Variants in EYA4 observed in about 807,000 individuals in gnomAD.
EYA4 encodes the protein protein phosphatase EYA4.
In EYA4, 31 loss-of-function variants were observed where a neutral mutation model predicts 87.9. The observed-to-expected ratio is 0.35, with a 90% confidence interval of 0.27 to 0.48. EYA4 has a LOEUF of 0.48. Ranked by LOEUF, EYA4 falls within the 20% of genes least tolerant of loss-of-function variation. The probability of loss-of-function intolerance (pLI) is 0.99; values close to 1 mark genes in which losing one functional copy is unlikely to be tolerated. For missense variants in EYA4, 678 were observed against 761.4 expected, an observed-to-expected ratio of 0.89 and a Z score of 1.29; for synonymous variants, 263 against 270.6, an observed-to-expected ratio of 0.97 and a Z score of 0.28.
chr6:133,520,052 G>T (rs1438434339), intron 17 of EYA4, among the ~76,000 whole-genome samples: 1 of 151,768 alleles, frequency 6.6e-6, no homozygotes, highest in African/African-American at 2.4e-5. Context: ...AAAACTGGAA[G>T]CGTTCCCTTT....
chr6:133,260,185 A>G (rs372451800), intron 1 of EYA4, among the ~76,000 whole-genome samples: 3 of 150,774 alleles, frequency 2.0e-5, no homozygotes, highest in South Asian at 2.1e-4. Context: ...TTAGATTCCT[A>G]ATTTGTTGTT....
At chr6:133,308,093 G>GT (rs1336131989) in intron 2 of EYA4, among the ~76,000 whole-genome samples, 1 of 152,140 alleles carries the variant, frequency 6.6e-6, no homozygotes, top group Non-Finnish European at 1.5e-5. Context: ...CACCATGATT[G>GT]TGAGGCCTCC....
chr6:133,259,094 G>A (rs1272806455), intron 1 of EYA4, among the ~76,000 whole-genome samples: 2 of 152,128 alleles, frequency 1.3e-5, no homozygotes, highest in African/African-American at 4.8e-5. Context: ...GATGCACTAT[G>A]ACCTAGTTTA....
intron 2 of EYA4, among the ~76,000 whole-genome samples, chr6:133,284,246 T>G (rs1044962334): frequency 4.6e-5 from 7 of 152,356 alleles, no homozygotes; most frequent in Middle Eastern, 3.4e-3. Context: ...CTCGGCTCAC[T>G]GCAACCTCTG....
intron 2 of EYA4, among the ~76,000 whole-genome samples, chr6:133,345,969 G>A (rs925669107): frequency 2.0e-5 from 3 of 152,064 alleles, no homozygotes; most frequent in African/African-American, 7.2e-5. Flanking sequence ...CTTGATCGTG[G>A]GCAGACTAGC....
At chr6:133,499,532 C>A (rs1382239254) in intron 13 of EYA4, among the ~76,000 whole-genome samples, 1 of 152,114 alleles carries the variant, frequency 6.6e-6, no homozygotes, top group African/African-American at 2.4e-5. Flanking sequence ...GTGATGATCC[C>A]CTTCATCATA....
chr6:133,345,953 G>A (rs1314784360), intron 2 of EYA4, among the ~76,000 whole-genome samples: 1 of 152,160 alleles, frequency 6.6e-6, no homozygotes, highest in African/African-American at 2.4e-5. Flanking sequence ...TACTTGGAGT[G>A]GAAGACTTGA....
At chr6:133,275,626 G>A (rs946433646) in intron 2 of EYA4, among the ~76,000 whole-genome samples, 2 of 151,832 alleles carry the variant, frequency 1.3e-5, no homozygotes, top group African/African-American at 4.8e-5. Context: ...TCTCCATCAG[G>A]CAACTGAGGA....
chr6:133,505,985 T>G, intron 13 of EYA4, 121 bp from the exon 14 acceptor site: 1 of 704,930 alleles, frequency 1.4e-6, no homozygotes, highest in Admixed American at 2.2e-5. Context: ...ATCTTTTGAA[T>G]CTTCAGTAAA....
chr6:133,319,871 C>T (rs1257772196), intron 2 of EYA4, among the ~76,000 whole-genome samples: 1 of 151,934 alleles, frequency 6.6e-6, no homozygotes, highest in Admixed American at 6.6e-5. Context: ...TGTGTGCCAC[C>T]ATGCCTAGCT....
chr6:133,259,153 C>A (rs1055189222), intron 1 of EYA4, among the ~76,000 whole-genome samples: 3 of 152,126 alleles, frequency 2.0e-5, no homozygotes, highest in Non-Finnish European at 2.9e-5. Context: ...GCTTTTGTGG[C>A]TGACTGAATT....
At chr6:133,427,072 A>C (rs886909466) in intron 3 of EYA4, among the ~76,000 whole-genome samples, 4 of 152,214 alleles carry the variant, frequency 2.6e-5, no homozygotes, top group Non-Finnish European at 5.9e-5. Flanking sequence ...GCTGAGACAC[A>C]CAATATTTCT....
At chr6:133,462,142 TG>T in intron 7 of EYA4, 192 bp from the exon 8 acceptor site, 1 of 658,646 alleles carries the variant, frequency 1.5e-6, no homozygotes, top group Non-Finnish European at 2.7e-6. Flanking sequence ...CATTTGTCTA[TG>T]GTCACTAGAT....
At chr6:133,308,202 G>T (rs747773690) in intron 2 of EYA4, among the ~76,000 whole-genome samples, 1 of 152,074 alleles carries the variant, frequency 6.6e-6, no homozygotes, top group Non-Finnish European at 1.5e-5. Flanking sequence ...CCATGAAAAT[G>T]GACTAATACA....
chr6:133,271,832 A>C (rs1776716288), intron 1 of EYA4, among the ~76,000 whole-genome samples: 1 of 152,068 alleles, frequency 6.6e-6, no homozygotes, highest in South Asian at 2.1e-4. Context: ...GGGTCATCCT[A>C]TCCACTTGAT....
At chr6:133,279,667 A>C (rs183980685) in intron 2 of EYA4, among the ~76,000 whole-genome samples, 2 of 152,086 alleles carry the variant, frequency 1.3e-5, no homozygotes, top group Admixed American at 1.3e-4. Context: ...ATTTATTTTT[A>C]TCTCTCTCTT....
chr6:133,413,535 A>G (rs1292406777), intron 3 of EYA4, among the ~76,000 whole-genome samples: 1 of 151,740 alleles, frequency 6.6e-6, no homozygotes, highest in Non-Finnish European at 1.5e-5. Context: ...CTAAGACAGT[A>G]TCTTTCTGGC....
At chr6:133,402,028 G>T (rs58720665) in intron 3 of EYA4, among the ~76,000 whole-genome samples, 10,058 of 152,158 alleles carry the variant, frequency 0.066, 1,016 homozygotes, top group African/African-American at 0.22. Flanking sequence ...CTGAGGAGTT[G>T]CCCACCAGCT....
chr6:133,410,589 CAAAAAAAAAAA>C (rs779978372), intron 3 of EYA4, among the ~76,000 whole-genome samples: 1 of 129,314 alleles, frequency 7.7e-6, no homozygotes, highest in Non-Finnish European at 1.7e-5. Context: ...TCCTCCTAAC[CAAAAAAAAAAA>C]AACTTCTGTA....
Sources: allele counts gnomAD v4.1 joint callset (sites outside exome capture counted in the v4.1 genomes callset), GRCh38; gene constraint gnomAD v4.1.1; transcripts MANE v1.5; gene names NCBI Gene and HGNC (gene_info 2026-07-23, HGNC 2026-07-21).